ZMYM4: variants seen among roughly 807,000 people sequenced by gnomAD.
ZMYM4 encodes the protein zinc finger MYM-type protein 4.
In ZMYM4, 31 loss-of-function variants were observed where a neutral mutation model predicts 183.2. The ratio of observed to expected loss-of-function variants is 0.17; its 90% CI spans 0.13 to 0.23. The LOEUF is 0.23. Ranked by LOEUF, ZMYM4 falls within the 10% of genes least tolerant of loss-of-function variation. The pLI, the probability that ZMYM4 is intolerant of heterozygous loss-of-function variation, is 1.00. For missense variants in ZMYM4, 1,273 were observed against 1,840.3 expected, an observed-to-expected ratio of 0.69 and a Z score of 5.64; for synonymous variants, 592 against 631.2, an observed-to-expected ratio of 0.94 and a Z score of 0.93.
chr1:35,349,603 G>A (rs1206445413), intron 2 of ZMYM4, among the ~76,000 whole-genome samples: 2 of 151,990 alleles, frequency 1.3e-5, no homozygotes, highest in Non-Finnish European at 2.9e-5. Flanking sequence ...TGAGGCAGGT[G>A]GGTCACTTAA....
At chr1:35,414,255 A>G (rs1019199311) in intron 27 of ZMYM4, among the ~76,000 whole-genome samples, 172 bp downstream of exon 27, 2 of 152,238 alleles carry the variant, frequency 1.3e-5, no homozygotes, top group Admixed American at 6.5e-5. Context: ...GGAAAACTGT[A>G]CAAGTCATAT....
At chr1:35,379,952 C>T (rs888059326) in intron 7 of ZMYM4, among the ~76,000 whole-genome samples, 2 of 152,126 alleles carry the variant, frequency 1.3e-5, no homozygotes, top group African/African-American at 4.8e-5. Flanking sequence ...GTTCACTAAT[C>T]ATAGAAAAAC....
At chr1:35,394,117 T>G (rs1644760959) in intron 18 of ZMYM4, among the ~76,000 whole-genome samples, 1 of 150,022 alleles carries the variant, frequency 6.7e-6, no homozygotes, top group East Asian at 2.0e-4. Flanking sequence ...TACTCCACAC[T>G]GTTTCAAATG....
intron 20 of ZMYM4, 127 bp downstream of exon 20, chr1:35,397,672 T>A: frequency 1.4e-6 from 1 of 722,396 alleles, no homozygotes; most frequent in Non-Finnish European, 2.0e-6. Context: ...ACCAAGCCTG[T>A]GGGGTTGATT....
At chr1:35,336,567 G>T (rs1642984690) in intron 2 of ZMYM4, among the ~76,000 whole-genome samples, 1 of 151,588 alleles carries the variant, frequency 6.6e-6, no homozygotes, top group Non-Finnish European at 1.5e-5. Context: ...TGTATTTTGG[G>T]TATAATTTTG....
At chr1:35,358,495 C>A (rs987380467) in intron 2 of ZMYM4, among the ~76,000 whole-genome samples, 1 of 152,046 alleles carries the variant, frequency 6.6e-6, no homozygotes, top group Admixed American at 6.6e-5. Context: ...ATTTGTCAGT[C>A]ATTGTGTTAG....
chr1:35,338,387 G>A (rs775846500), intron 2 of ZMYM4, among the ~76,000 whole-genome samples: 23 of 152,156 alleles, frequency 1.5e-4, no homozygotes, highest in Non-Finnish European at 1.5e-4. Context: ...GCAACCAAGC[G>A]TGGATAGAAA....
chr1:35,279,388 C>T (rs958742415), intron 1 of ZMYM4, among the ~76,000 whole-genome samples: 1 of 152,146 alleles, frequency 6.6e-6, no homozygotes, highest in Non-Finnish European at 1.5e-5. Context: ...CTTCACAGTT[C>T]CTTACTGATA....
At chr1:35,314,859 T>C (rs1178786398) in intron 1 of ZMYM4, among the ~76,000 whole-genome samples, 3 of 151,124 alleles carry the variant, frequency 2.0e-5, no homozygotes, top group African/African-American at 7.3e-5. Context: ...ACCCTGTCTC[T>C]ATTAAAAATA....
intron 29 of ZMYM4, 63 bp downstream of exon 29, chr1:35,418,635 G>C: frequency 6.3e-7 from 1 of 1,593,172 alleles, no homozygotes; most frequent in South Asian, 1.2e-5. Flanking sequence ...TTGGATTTCA[G>C]ATGCTTGAAC....
At chr1:35,327,552 TCTGA>T (rs527736805) in intron 2 of ZMYM4, among the ~76,000 whole-genome samples, 30 of 152,218 alleles carry the variant, frequency 2.0e-4, no homozygotes, top group South Asian at 4.1e-4. Context: ...TAGACTACCG[TCTGA>T]CTATGTTATT....
At chr1:35,337,501 A>G (rs930027181) in intron 2 of ZMYM4, among the ~76,000 whole-genome samples, 1 of 152,148 alleles carries the variant, frequency 6.6e-6, no homozygotes, top group Non-Finnish European at 1.5e-5. Flanking sequence ...TATGTATGCA[A>G]TTCAGTATAA....
At chr1:35,402,490 G>A (rs747155378) in intron 23 of ZMYM4, among the ~76,000 whole-genome samples, 7 of 152,046 alleles carry the variant, frequency 4.6e-5, no homozygotes, top group Admixed American at 6.6e-5. Context: ...GGTGACGCAT[G>A]CTGGTGGTCC....
intron 2 of ZMYM4, among the ~76,000 whole-genome samples, chr1:35,339,522 C>T (rs961829150): frequency 3.3e-5 from 5 of 151,824 alleles, no homozygotes; most frequent in African/African-American, 1.2e-4. Flanking sequence ...GGCATGAGCC[C>T]ATAATATTAA....
At chr1:35,272,947 C>T (rs112630063) in intron 1 of ZMYM4, among the ~76,000 whole-genome samples, 6 of 152,240 alleles carry the variant, frequency 3.9e-5, no homozygotes, top group South Asian at 2.1e-4. Flanking sequence ...ATCTCCTGAC[C>T]TCGTGATCCA....
At chr1:35,383,521 G>T (rs187796294) in intron 9 of ZMYM4, among the ~76,000 whole-genome samples, 1 of 151,896 alleles carries the variant, frequency 6.6e-6, no homozygotes, top group Admixed American at 6.6e-5. Context: ...TAATGGCTAA[G>T]TTTTACTATT....
intron 2 of ZMYM4, among the ~76,000 whole-genome samples, chr1:35,334,502 T>C (rs1287969327): frequency 5.9e-5 from 9 of 152,188 alleles, no homozygotes; most frequent in Non-Finnish European, 4.4e-5. Flanking sequence ...GAGCAGCTTT[T>C]AATAAGTTTA....
At chr1:35,390,264 T>A (rs976614456) in intron 15 of ZMYM4, among the ~76,000 whole-genome samples, 166 bp downstream of exon 15, 2 of 152,184 alleles carry the variant, frequency 1.3e-5, no homozygotes, top group African/African-American at 2.4e-5. Flanking sequence ...AACACCTTAT[T>A]TCACTGTCGT....
intron 23 of ZMYM4, among the ~76,000 whole-genome samples, chr1:35,402,911 A>G (rs1644936561): frequency 6.6e-6 from 1 of 152,142 alleles, no homozygotes; most frequent in Non-Finnish European, 1.5e-5. Flanking sequence ...ACAATGTTGA[A>G]TATTAGTAGT....
Sources: gnomAD v4.1 joint callset for allele counts (sites outside exome capture counted in the v4.1 genomes callset) on GRCh38, gnomAD v4.1.1 for gene constraint, MANE v1.5 for transcripts, NCBI Gene and HGNC (gene_info 2026-07-23, HGNC 2026-07-21) for gene names.